Variants in MATN4 observed in about 807,000 individuals in gnomAD.
MATN4 encodes the protein matrilin-4.
In MATN4, 40 loss-of-function variants were observed where a neutral mutation model predicts 54.6. The ratio of observed to expected loss-of-function variants is 0.73; its 90% CI spans 0.57 to 0.95. The LOEUF (loss-of-function observed/expected upper bound fraction) is 0.95, where lower values mean the gene tolerates loss of function less well. Among genes scored for constraint, MATN4 ranks in the 40% least tolerant of loss-of-function variants. The pLI, the probability that MATN4 is intolerant of heterozygous loss-of-function variation, is 0.00. For synonymous variants in MATN4, 351 were observed against 345.3 expected, an observed-to-expected ratio of 1.02 and a Z score of -0.18; for missense variants, 810 against 819.1, an observed-to-expected ratio of 0.99 and a Z score of 0.13.
chr20:45,298,622 C>A lies in MATN4; in HGVS notation c.1013-39G>T. On this transcript the variant is annotated intron_variant, in intron 6 of 9. Transcript: ENST00000372756. This position sits in a 1 kb window ranked among gnomAD's most constrained non-coding sequence, Gnocchi z 4.6. Reference sequence around the variant, plus strand: ...AAAGCTTGAATTGAGGGACCAGATTCTGGACTGGCAGCAGCTGTCTATCCA... The same window carrying A: ...AAAGCTTGAATTGAGGGACCAGATTATGGACTGGCAGCAGCTGTCTATCCA... 6.7e-7 allele frequency: 1 copy of A among 1,487,258 alleles called. No individual in the cohort carries two copies. The highest frequency in any genetic ancestry group is 9.0e-7 in the Non-Finnish European group (1 of 1,108,998). The allele number at this position is 1,487,258 out of a possible 1,614,324, so 92.1% of individuals were successfully genotyped here.
chr20:45,302,696 A>G (rs1469008303), intron 3 of MATN4, among the ~76,000 whole-genome samples: 1 of 152,236 alleles, frequency 6.6e-6, no homozygotes, highest in Non-Finnish European at 1.5e-5. Context: ...TGAGGTGCAG[A>G]GTCAAGAATG....
In MATN4 at chr20:45,300,926, C is replaced by T. The variant is rs141231559; in HGVS notation, c.973G>A (p.Glu325Lys). ...CCATCTGCCTGAAGTTGCCGCCCCT[C>T]GGGGCACAGGCAGCGGTAGGAGAGG... Reference protein sequence around the residue: ...EGLSYRCLCPEGRQLQADGKS... With the variant: ...EGLSYRCLCPKGRQLQADGKS... The change falls in exon 6 of 10, where the codon GAG becomes AAG. Residue 325 changes from glutamate to lysine, a missense_variant. Physicochemically the swap from Glu to Lys is moderately conservative, Grantham distance 56. Transcript: ENST00000372756. The T allele has an allele frequency of 2.5e-4, 403 of 1,613,740 alleles. 1 individual carries two copies. The African/African-American group carries it at 3.3e-3, about 13-fold the overall frequency.
Position 45,304,210 on chromosome 20 carries a change from A to G in MATN4, c.643+18T>C, listed in dbSNP as rs1986416709. 2 of 1,479,930 alleles carry G rather than the reference A, an allele frequency of 1.4e-6. No homozygotes were observed. Among genetic ancestry groups the G allele is most frequent in the Non-Finnish European group, 1.8e-6 (2 of 1,116,502 alleles). 91.7% of individuals were successfully genotyped at this position (1,479,930 alleles called of 1,614,324 possible). A position where few individuals can be genotyped will look rare whatever the true frequency, so the allele number is the denominator to read the frequency against. On this transcript the variant is annotated intron_variant, in intron 3 of 9. Transcript: ENST00000372756. ...GGATTGAGAGTTCGAGCTTCACTCC[A>G]GCGCCCTCCTAACTCACCACACAGC...
In MATN4 at chr20:45,298,002, G is replaced by A. The variant is rs1247376593; in HGVS notation, c.1495C>T (p.Pro499Ser). The stretch of plus-strand genomic sequence containing the variant: ...GCATAGGACACGTGCAGTTCCGCTG[G>A]CTCCGAGGCGATCTCGCGCAGCTCC... Reference protein sequence around the residue: ...EAELREIASEPAELHVSYAPD... With the variant: ...EAELREIASESAELHVSYAPD... The change falls in exon 8 of 10, where the codon CCA (proline) becomes TCA (serine). Residue 499 changes from proline (P) to serine (S), a missense_variant. By Grantham distance (74) the Pro-to-Ser change is moderately conservative (BLOSUM62 -1). Coordinates refer to ENST00000372756, the MANE Select transcript of MATN4 (RefSeq NM_001393530.1). This position sits in a 1 kb window ranked among gnomAD's most constrained non-coding sequence, Gnocchi z 4.6. 1 of 1,613,984 alleles carries A rather than the reference G, an allele frequency of 6.2e-7. No homozygotes were observed. The highest frequency in any genetic ancestry group is 8.5e-7 in the Non-Finnish European group (1 of 1,180,040).
At chr20:45,307,001 A>ACCCCCCCCCC (rs562994913) in intron 1 of MATN4, 7 of 720,960 alleles carry the variant, frequency 9.7e-6, no homozygotes, top group Admixed American at 1.4e-4. Flanking sequence ...ACGAAGGACC[A>ACCCCCCCCCC]CCCCCCCACC....
At chr20:45,303,588 G>C (rs955408421) in intron 3 of MATN4, 1 of 651,330 alleles carries the variant, frequency 1.5e-6, no homozygotes, top group Non-Finnish European at 2.9e-6. Context: ...GGATGGGGAT[G>C]GGGTCAGAGG....
At chr20:45,303,478 C>T (rs1423271267) in intron 3 of MATN4, 1 of 716,496 alleles carries the variant, frequency 1.4e-6, no homozygotes, top group Admixed American at 2.0e-5. Context: ...TTGGTGCTGG[C>T]AACCATGTCC....
At chr20:45,304,892 C>A (rs1883022289) in intron 2 of MATN4, 95 bp from the exon 3 acceptor site, 2 of 731,434 alleles carry the variant, frequency 2.7e-6, no homozygotes, top group Non-Finnish European at 4.4e-6. Flanking sequence ...GCTATGCCGA[C>A]ATAACAGCGC....
At chr20:45,306,461 A>C (rs987071811) in intron 1 of MATN4, among the ~76,000 whole-genome samples, 4 of 151,672 alleles carry the variant, frequency 2.6e-5, no homozygotes, top group Admixed American at 2.0e-4. Context: ...ACCTCGGCCC[A>C]CTCCCCTACG....
intron 1 of MATN4, among the ~76,000 whole-genome samples, chr20:45,306,622 T>G (rs966655950): frequency 6.6e-6 from 1 of 151,790 alleles, no homozygotes; most frequent in Non-Finnish European, 1.5e-5. Context: ...TGGCAGCGAG[T>G]GGACCAAAAC....
intron 2 of MATN4, 94 bp downstream of exon 2, chr20:45,305,416 T>C: frequency 1.0e-6 from 1 of 961,098 alleles, no homozygotes. Context: ...CCAAAGCCCT[T>C]GCTTCCCTCT....
At chr20:45,303,327 G>C in intron 3 of MATN4, 1 of 688,348 alleles carries the variant, frequency 1.5e-6, no homozygotes, top group Non-Finnish European at 2.8e-6. Context: ...CTGATGTTGG[G>C]GCAATGGAGA....
chr20:45,300,984 G>T lies in MATN4; in HGVS notation c.915C>A (p.Asp305Glu), dbSNP rs573120267. Residue 305 changes from aspartate to glutamate, a missense_variant, in exon 6 of 10, where the codon GAC becomes GAA. Coordinates refer to ENST00000372756, the MANE Select transcript of MATN4 (RefSeq NM_001393530.1). ...TCACACACTGGAACTCACAGCCATG[G>T]TCCACGCCATTGCAAAGGTCCCGGA... ...CQVRDLCNGVDHGCEFQCVSE... is the reference protein window; with the variant it reads ...CQVRDLCNGVEHGCEFQCVSE... The T allele has an allele frequency of 1.2e-6, 2 of 1,614,086 alleles. No individual in the cohort carries two copies. Among genetic ancestry groups the T allele is most frequent in the East Asian group, 4.5e-5 (2 of 44,872 alleles).
chr20:45,307,827 T>G (rs899849651), intron 1 of MATN4, among the ~76,000 whole-genome samples: 2 of 152,146 alleles, frequency 1.3e-5, no homozygotes, highest in Non-Finnish European at 1.5e-5. Flanking sequence ...GGGATTCCTC[T>G]GAGGAGTTAA....
chr20:45,294,829 T>C (rs1985708591), intron 8 of MATN4, among the ~76,000 whole-genome samples: 1 of 152,186 alleles, frequency 6.6e-6, no homozygotes, highest in Non-Finnish European at 1.5e-5. Flanking sequence ...TCTGTATTTA[T>C]AGCTGCTCCT....
chr20:45,301,303 G>T lies in MATN4; in HGVS notation c.766+18C>A. 6.2e-7 allele frequency: 1 copy of T among 1,614,080 alleles called. No homozygotes were observed. The highest frequency in any genetic ancestry group is 8.5e-7 in the Non-Finnish European group (1 of 1,179,992). On this transcript the variant is annotated intron_variant, in intron 4 of 9. Coordinates refer to ENST00000372756, the MANE Select transcript of MATN4 (RefSeq NM_001393530.1). ...GCCACAGTCCAGGGTGTGGTGGGAG[G>T]GTGGGGGTGTTGCTCACCCCTGCAG...
Position 45,294,033 on chromosome 20 carries a change from A to AG in MATN4, c.1580-19dup. 1 of 1,586,314 alleles carries AG rather than the reference A, an allele frequency of 6.3e-7. No individual in the cohort carries two copies. The highest frequency in any genetic ancestry group is 2.2e-5 in the East Asian group (1 of 44,760). On this transcript the variant is annotated intron_variant, in intron 8 of 9. Transcript: ENST00000372756. ...GCCCTCCTCTGCAAGCCGGACACAGAGGGTCAGGGGGATGAGAAATTGCCC... is the reference window on the plus strand; with the variant it reads ...GCCCTCCTCTGCAAGCCGGACACAGAGGGGTCAGGGGGATGAGAAATTGCCC...
At position 45,304,585 on chromosome 20, in the gene MATN4, C is replaced by T. The variant is rs753876208; in HGVS notation, c.286G>A (p.Asp96Asn). Residue 96 changes from aspartate (D) to asparagine (N), a missense_variant, in exon 3 of 10, where the codon GAC becomes AAC. By Grantham distance (23) the Asp-to-Asn change is conservative. Transcript: ENST00000372756. The stretch of plus-strand genomic sequence containing the variant: ...AGGTCGCGGATGGCGCGCTCCATGT[C>T]CTCGCGGCGAGAGAACGCGCGGAGA... ...FPLRAFSRRE[D>N]MERAIRDLVP... 3.8e-6 allele frequency: 6 copies of T among 1,598,944 alleles called. No homozygotes were observed. Among genetic ancestry groups the T allele is most frequent in the Non-Finnish European group, 5.1e-6 (6 of 1,168,086 alleles).
At chr20:45,308,449 G>A, upstream of MATN4, 1 of 578,774 alleles carries the variant, frequency 1.7e-6, no homozygotes, top group Non-Finnish European at 3.1e-6. Context: ...TACCACGCTT[G>A]GAGCTGCAGA....
Sources: gnomAD v4.1 joint callset for allele counts (sites outside exome capture counted in the v4.1 genomes callset) on GRCh38, gnomAD v4.1.1 for gene constraint, Gnocchi (gnomAD v3.1) non-coding constraint, MANE v1.5 for transcripts, NCBI Gene and HGNC (gene_info 2026-07-23, HGNC 2026-07-21) for gene names.